Variants in ANK2 observed in about 807,000 individuals in gnomAD.
ANK2 encodes ankyrin-2.
In ANK2, 83 loss-of-function variants were observed where a neutral mutation model predicts 360.5. The observed-to-expected ratio is 0.23, with a 90% CI of 0.19 to 0.28. ANK2 has a LOEUF of 0.28. Ranked by LOEUF, ANK2 falls within the 10% of genes least tolerant of loss-of-function variation. The pLI is 1.00. For synonymous variants in ANK2, 1,740 were observed against 1,759.5 expected (o/e 0.99, Z 0.28); for missense variants, 4,201 against 4,795.7 (o/e 0.88, Z 3.66).
At chr4:113,371,205 A>G (rs947141923) in intron 43 of ANK2, among the ~76,000 whole-genome samples, 2 of 152,184 alleles carry the variant, frequency 1.3e-5, no homozygotes, top group African/African-American at 2.4e-5. Flanking sequence ...GTTTTTGTTC[A>G]CTGTAAGAAT....
the ANK2 span, among the ~76,000 whole-genome samples, chr4:112,767,842 G>T: frequency 6.6e-6 from 1 of 152,068 alleles, no homozygotes; most frequent in African/African-American, 2.4e-5. Context: ...AAAAAGGCTG[G>T]GATTTCTGAT....
At position 113,355,147 on chromosome 4, in the gene ANK2, A is replaced by G. The variant is rs2095665936; in HGVS notation, c.6529A>G (p.Thr2177Ala). The change falls in exon 38 of 46, where the codon ACA becomes GCA. Residue 2177 changes from threonine to alanine, a missense_variant. By Grantham distance (58) the Thr-to-Ala change is moderately conservative. Coordinates refer to ENST00000357077, the MANE Select transcript of ANK2 (RefSeq NM_001148.6). ...AGTACTCACTAGTCCTTTCAACACA[A>G]CATTTCCACTCGACTACATGAAAGA... ...DQVLTSPFNT[T>A]FPLDYMKDEF... 3.1e-6 allele frequency: 5 copies of G among 1,614,026 alleles called. No individual in the cohort carries two copies. In the African/African-American group the frequency reaches 5.3e-5, roughly 17 times the overall value.
chr4:112,945,789 G>A (rs1028464607), intron 2 of ANK2, among the ~76,000 whole-genome samples: 62 of 152,146 alleles, frequency 4.1e-4, no homozygotes, highest in African/African-American at 1.4e-3. Flanking sequence ...ATGAGGAGCC[G>A]AAGCTTTAAG....
chr4:113,150,821 G>A (rs1173759864), intron 1 of ANK2, among the ~76,000 whole-genome samples: 1 of 152,090 alleles, frequency 6.6e-6, no homozygotes, highest in African/African-American at 2.4e-5. Context: ...ATTTAGATGA[G>A]GCACATAGGC....
intron 4 of ANK2, among the ~76,000 whole-genome samples, chr4:113,218,975 C>A (rs1470468468): frequency 6.6e-6 from 1 of 152,106 alleles, no homozygotes; most frequent in Non-Finnish European, 1.5e-5. Flanking sequence ...TAAAAGCACC[C>A]TATAGCGATT....
chr4:113,117,294 C>T (rs1450203225), intron 1 of ANK2: 1 of 455,950 alleles, frequency 2.2e-6, no homozygotes, highest in Non-Finnish European at 4.4e-6. Flanking sequence ...TGCAAAATGG[C>T]TCACGCTGCT....
chr4:112,711,939 G>A, the ANK2 span, among the ~76,000 whole-genome samples: 4 of 150,398 alleles, frequency 2.7e-5, no homozygotes, highest in African/African-American at 4.9e-5. Flanking sequence ...TTAGCTACTC[G>A]GGTAGCTAGG....
chr4:112,958,934 C>T (rs547569988), intron 2 of ANK2, among the ~76,000 whole-genome samples: 5 of 151,990 alleles, frequency 3.3e-5, no homozygotes, highest in Non-Finnish European at 7.4e-5. Context: ...CTGCAACTTC[C>T]GCCTCCTGGG....
intron 13 of ANK2, among the ~76,000 whole-genome samples, chr4:113,260,679 G>A (rs569745315): frequency 9.6e-4 from 146 of 152,232 alleles, no homozygotes; most frequent in South Asian, 9.3e-3. Flanking sequence ...TTGTTTGTCT[G>A]GAATTAAAAT....
chr4:112,829,491 CAAAA>C (rs60272903), intron 1 of ANK2, among the ~76,000 whole-genome samples: 2 of 60,728 alleles, frequency 3.3e-5, no homozygotes, highest in South Asian at 5.0e-4. Context: ...CCCATCTCTA[CAAAA>C]AAAAAAAAAA....
intron 45 of ANK2, among the ~76,000 whole-genome samples, chr4:113,380,701 A>G (rs1004401012): frequency 5.3e-5 from 8 of 152,242 alleles, no homozygotes; most frequent in Admixed American, 2.6e-4. Context: ...AGTAACCACC[A>G]GTCTTATAAG....
chr4:113,321,741 A>G (rs996284422), intron 26 of ANK2, among the ~76,000 whole-genome samples: 7 of 151,002 alleles, frequency 4.6e-5, no homozygotes, highest in African/African-American at 7.3e-5. Flanking sequence ...AAATGTAAGG[A>G]AAAAAAAAGG....
the ANK2 span, among the ~76,000 whole-genome samples, chr4:112,732,060 G>A: frequency 1.0e-3 from 157 of 152,236 alleles, no homozygotes; most frequent in Middle Eastern, 0.01. Flanking sequence ...GACTCATGTT[G>A]GTGGCTTGAA....
the ANK2 span, among the ~76,000 whole-genome samples, chr4:112,736,795 T>G: frequency 1.3e-5 from 2 of 152,232 alleles, no homozygotes; most frequent in Non-Finnish European, 2.9e-5. Context: ...GGCTGTCATG[T>G]AGTGAGATTG....
chr4:113,148,581 G>A (rs1341296212), intron 1 of ANK2, among the ~76,000 whole-genome samples: 1 of 152,022 alleles, frequency 6.6e-6, no homozygotes, highest in Non-Finnish European at 1.5e-5. Flanking sequence ...ATGAATTCTG[G>A]TCTTATTATG....
intron 1 of ANK2, among the ~76,000 whole-genome samples, chr4:112,873,151 G>A (rs1033764407): frequency 6.6e-6 from 1 of 151,412 alleles, no homozygotes; most frequent in Non-Finnish European, 1.5e-5. Context: ...TTAATTTGTT[G>A]ACTTTTTCAA....
chr4:113,144,254 T>C (rs2096747109), intron 1 of ANK2, among the ~76,000 whole-genome samples: 2 of 152,106 alleles, frequency 1.3e-5, no homozygotes, highest in South Asian at 4.1e-4. Context: ...TTGAGGCTCA[T>C]AAACGCTGGA....
intron 9 of ANK2, among the ~76,000 whole-genome samples, chr4:113,246,704 CT>C (rs1158476579): frequency 6.6e-6 from 1 of 152,062 alleles, no homozygotes; most frequent in Non-Finnish European, 1.5e-5. Flanking sequence ...AGGAATCACC[CT>C]TCTTACTTGT....
At chr4:113,379,998 C>T (rs1488948727) in intron 45 of ANK2, among the ~76,000 whole-genome samples, 1 of 151,954 alleles carries the variant, frequency 6.6e-6, no homozygotes, top group African/African-American at 2.4e-5. Flanking sequence ...GTTATGGACT[C>T]AGGCTCTGGA....
Sources: allele counts gnomAD v4.1 joint callset (sites outside exome capture counted in the v4.1 genomes callset), GRCh38; gene constraint gnomAD v4.1.1; transcripts MANE v1.5; gene names NCBI Gene and HGNC (gene_info 2026-07-23, HGNC 2026-07-21).